SETD1B: variants seen among roughly 807,000 people sequenced by gnomAD.
The protein encoded by SETD1B is SET domain containing 1B, histone lysine methyltransferase, also known as histone-lysine N-methyltransferase SETD1B.
A neutral mutation model predicts 148.0 loss-of-function variants in SETD1B; 7 were observed. That is an observed-to-expected ratio of 0.05 (90% confidence interval 0.03 to 0.09). SETD1B has a LOEUF of 0.09. SETD1B is among the 10% of genes least tolerant of loss of function. SETD1B has a pLI of 1.00. For synonymous variants in SETD1B, 1,361 were observed against 1,186.5 expected (o/e 1.15, Z -3.02); for missense variants, 2,155 against 2,729.9 (o/e 0.79, Z 4.69).
chr12:121,809,532 T>C lies in SETD1B; in HGVS notation c.658-71T>C, dbSNP rs1036848532. ...GCTCTGAGCTTCCCAGCAGCCAGAG[T>C]GAGAAGGGAAAATAGCCCTGTTCCA... On this transcript the variant is annotated intron_variant, in intron 5 of 16. Transcript: ENST00000604567. 13 of 1,451,420 alleles carry C rather than the reference T, an allele frequency of 9.0e-6. No individual in the cohort carries two copies. The African/African-American group carries it at 1.6e-4, about 17-fold the overall frequency. The allele number at this position is 1,451,420 out of a possible 1,614,324, so 89.9% of individuals were successfully genotyped here.
chr12:121,811,631 C>T (rs898931747), intron 6 of SETD1B, among the ~76,000 whole-genome samples: 1 of 152,156 alleles, frequency 6.6e-6, no homozygotes, highest in African/African-American at 2.4e-5. Context: ...ACTCCTCCTT[C>T]TCGGTCCAGG....
In SETD1B at chr12:121,805,139, G is replaced by A; in HGVS notation, c.196G>A (p.Glu66Lys). Residue 66 changes from glutamate to lysine, a missense_variant, in exon 3 of 17, where the codon GAA (glutamate) becomes AAA (lysine). This residue lies in a region of SETD1B where 124 missense variants were observed against 282.9 expected (regional missense o/e 0.44). Coordinates refer to ENST00000604567, the MANE Select transcript of SETD1B (RefSeq NM_001353345.2). The surrounding 1 kb of genome is among the most constrained non-coding windows in gnomAD (Gnocchi z 4.2). ...SLAMSSNRPV[E>K]IVEDPRVVGI... is the part of the protein sequence containing the mutation. Reference sequence around the variant, plus strand: ...ACAGATGTCCAGCAACCGCCCGGTGGAAATTGTCGAAGATCCCCGGGTCGT... The same window carrying A: ...ACAGATGTCCAGCAACCGCCCGGTGAAAATTGTCGAAGATCCCCGGGTCGT... 4 of 1,551,720 alleles carry A rather than the reference G, an allele frequency of 2.6e-6. No homozygotes were observed. Among genetic ancestry groups the A allele is most frequent in the East Asian group, 4.9e-5 (2 of 40,918 alleles).
rs1195861322 is a variant in SETD1B at position 121,823,167 on chromosome 12, C to T, written c.4588C>T (p.Leu1530Phe). ...GCCCCGGCGATCCCCACCATCTATG[C>T]TCTCCTTGGATGGGCCCTTGGTCCG... ...GRPRRSPPSM[L>F]SLDGPLVRPP... is the part of the protein sequence containing the mutation. The change falls in exon 12 of 17, where the codon CTC becomes TTC. Residue 1530 changes from leucine to phenylalanine, a missense_variant. Leu to Phe is a conservative substitution (Grantham distance 22). This residue lies in a region of SETD1B where 862 missense variants were observed against 873.8 expected (regional missense o/e 0.99). Transcript: ENST00000604567. 6.5e-7 allele frequency: 1 copy of T among 1,543,346 alleles called. No homozygotes were observed. Among genetic ancestry groups the T allele is most frequent in the African/African-American group, 1.4e-5 (1 of 72,580 alleles).
In SETD1B at chr12:121,819,788, C is replaced by T. The variant is rs565436724; in HGVS notation, c.3803C>T (p.Pro1268Leu). Residue 1268 changes from proline (P) to leucine (L), a missense_variant, in exon 11 of 17, where the codon CCG becomes CTG. This residue lies in a region of SETD1B where 862 missense variants were observed against 873.8 expected (regional missense o/e 0.99). Transcript: ENST00000604567. ...GAAGAGCCAGCGGACTCCAGGGAGC[C>T]GCCTGAGGAACCAGGCCTGAGCCAG... is the stretch of plus-strand genomic sequence containing the variant. Reference protein sequence around the residue: ...GVEEPADSREPPEEPGLSQEG... With the variant: ...GVEEPADSRELPEEPGLSQEG... The T allele has an allele frequency of 8.3e-5, 129 of 1,551,604 alleles. No individual in the cohort carries two copies. In the East Asian group the frequency reaches 1.3e-3, roughly 15 times the overall value.
chr12:121,802,013 G>GA (rs1198696978), upstream of SETD1B: 1 of 152,020 alleles, frequency 6.6e-6, no homozygotes, highest in African/African-American at 2.4e-5. Flanking sequence ...TCTACACAAA[G>GA]AAAAGGTCTT....
chr12:121,817,946 C>T lies in SETD1B; in HGVS notation c.3418+42C>T, dbSNP rs144970738. On this transcript the variant is annotated intron_variant, in intron 10 of 16. Coordinates refer to ENST00000604567, the MANE Select transcript of SETD1B (RefSeq NM_001353345.2). The surrounding 1 kb of genome is among the most constrained non-coding windows in gnomAD (Gnocchi z 8.1). Reference sequence around the variant, plus strand: ...TGGCTGCCTGGCCCTCCCGGAGTCCCTCTTTCCCCGGGGCAGAGCCTGAGC... The same window carrying T: ...TGGCTGCCTGGCCCTCCCGGAGTCCTTCTTTCCCCGGGGCAGAGCCTGAGC... The T allele has an allele frequency of 3.2e-4, 469 of 1,486,960 alleles. 2 individuals are homozygous for T. In the African/African-American group the frequency reaches 5.7e-3, roughly 18 times the overall value. 92.1% of individuals were successfully genotyped at this position (1,486,960 alleles called of 1,614,324 possible). A position where few individuals can be genotyped will look rare whatever the true frequency, so the allele number is the denominator to read the frequency against.
upstream of SETD1B, chr12:121,801,466 A>G (rs899202784): frequency 5.9e-5 from 9 of 152,478 alleles, no homozygotes; most frequent in African/African-American, 1.9e-4. Context: ...ACAATGCTCC[A>G]GAATCCTCCT....
the SETD1B span, chr12:121,793,982 G>T: frequency 4.7e-6 from 1 of 210,686 alleles, no homozygotes; most frequent in Middle Eastern, 1.6e-3. Flanking sequence ...CCCCTGATTA[G>T]CAGGCTCCGC....
chr12:121,812,759 C>CT (rs1876099382), intron 6 of SETD1B, among the ~76,000 whole-genome samples: 1 of 152,004 alleles, frequency 6.6e-6, no homozygotes, highest in South Asian at 2.1e-4. Flanking sequence ...AGAGTGTGTG[C>CT]GTGCGTGCGT....
At position 121,808,466 on chromosome 12, in the gene SETD1B, A is replaced by G; in HGVS notation, c.657+146A>G. 1 of 587,616 alleles carries G rather than the reference A, an allele frequency of 1.7e-6. No individual in the cohort carries two copies. The highest frequency in any genetic ancestry group is 3.0e-6 in the Non-Finnish European group (1 of 331,784). 36.4% of individuals were successfully genotyped at this position (587,616 alleles called of 1,614,324 possible). A position where few individuals can be genotyped will look rare whatever the true frequency, so the allele number is the denominator to read the frequency against. On this transcript the variant is annotated intron_variant, in intron 5 of 16. Transcript: ENST00000604567. The surrounding 1 kb of genome is among the most constrained non-coding windows in gnomAD (Gnocchi z 5.3). ...GAGACCAAGGCCTAGGAGGGTGTGA[A>G]GCCTGGCCACGCCCCCCACAATTGG...
intron 11 of SETD1B, among the ~76,000 whole-genome samples, chr12:121,821,477 C>A (rs1446501704): frequency 6.7e-6 from 1 of 148,900 alleles, no homozygotes; most frequent in Non-Finnish European, 1.5e-5. Context: ...GTGCCGGGCG[C>A]GGTGGCTCAC....
chr12:121,810,891 C>T lies in SETD1B; in HGVS notation c.1890+56C>T, dbSNP rs974211457. On this transcript the variant is annotated intron_variant, in intron 6 of 16. Transcript: ENST00000604567. The surrounding 1 kb of genome is among the most constrained non-coding windows in gnomAD (Gnocchi z 7.6). The stretch of plus-strand genomic sequence containing the variant: ...CTGGTTTTGTCTATCTTGTATCTCC[C>T]TTTCCCCCTTCAAGCATTTAGCATG... The T allele has an allele frequency of 2.1e-6, 3 of 1,443,218 alleles. No individual in the cohort carries two copies. The highest frequency in any genetic ancestry group is 1.5e-5 in the South Asian group (1 of 67,338). 89.4% of individuals were successfully genotyped at this position (1,443,218 alleles called of 1,614,324 possible). A position where few individuals can be genotyped will look rare whatever the true frequency, so the allele number is the denominator to read the frequency against.
Position 121,821,193 on chromosome 12 carries a change from A to T in SETD1B, c.3911-1297A>T, listed in dbSNP as rs568813023. Reference sequence around the variant, plus strand: ...ACTAAGCCTCTATTGTGTCCCTGCTATTATTTTAGGCAGTAGCAATGCAAC... The same window carrying T: ...ACTAAGCCTCTATTGTGTCCCTGCTTTTATTTTAGGCAGTAGCAATGCAAC... On this transcript the variant is annotated intron_variant, in intron 11 of 16. Transcript: ENST00000604567. Among the ~76,000 whole-genome samples, 5 of 152,188 alleles carry T rather than the reference A, an allele frequency of 3.3e-5. No homozygotes were observed. In the East Asian group the frequency reaches 9.6e-4, roughly 29 times the overall value.
In SETD1B at chr12:121,822,697, C is replaced by T. The variant is rs1320460610; in HGVS notation, c.4118C>T (p.Ser1373Leu). 7.2e-6 allele frequency: 11 copies of T among 1,537,666 alleles called. No individual in the cohort carries two copies. The highest frequency in any genetic ancestry group is 4.9e-5 in the East Asian group (2 of 40,596). ...GGCCTCTGTGGCAGCCTGGCCAAGT[C>T]GCAGAGCACAGAGACGGTGCCAGCC... ...TPGLCGSLAKSQSTETVPATP... is the reference protein window; with the variant it reads ...TPGLCGSLAKLQSTETVPATP... The change falls in exon 12 of 17, where the codon TCG becomes TTG. Residue 1373 changes from serine (S) to leucine (L), a missense_variant. Physicochemically the swap from Ser to Leu is moderately radical, Grantham distance 145. Transcript: ENST00000604567.
intron 11 of SETD1B, among the ~76,000 whole-genome samples, chr12:121,821,942 C>T (rs1236246769): frequency 5.3e-5 from 8 of 152,062 alleles, no homozygotes; most frequent in South Asian, 4.2e-4. Context: ...ATTAGCTGGG[C>T]GTGGTGGCAC....
Position 121,804,935 on chromosome 12 carries a change from A to G in SETD1B, c.174+24A>G, listed in dbSNP as rs778745595. 2.3e-4 allele frequency: 345 copies of G among 1,479,354 alleles called. No individual in the cohort carries two copies. Among genetic ancestry groups the G allele is most frequent in the Non-Finnish European group, 3.0e-4 (339 of 1,111,648 alleles). The allele number at this position is 1,479,354 out of a possible 1,614,324, so 91.6% of individuals were successfully genotyped here. ...CGGTGAGTAGCCGGCGCGCCCCCCC[A>G]GCCGTGCCCCGCGTCGTGTCCGGGG... On this transcript the variant is annotated intron_variant, in intron 2 of 16. Coordinates refer to ENST00000604567, the MANE Select transcript of SETD1B (RefSeq NM_001353345.2). This position sits in a 1 kb window ranked among gnomAD's most constrained non-coding sequence, Gnocchi z 4.6.
chr12:121,829,358 C>T (rs1022887897), intron 16 of SETD1B, among the ~76,000 whole-genome samples: 1 of 152,180 alleles, frequency 6.6e-6, no homozygotes, highest in African/African-American at 2.4e-5. Flanking sequence ...AACCAAGAGG[C>T]CCTTCCGGGA....
chr12:121,820,212 T>C (rs117255102), intron 11 of SETD1B, among the ~76,000 whole-genome samples: 8,129 of 152,344 alleles, frequency 0.053, 345 homozygotes, highest in Non-Finnish European at 0.078. Flanking sequence ...TGGGTGTCCA[T>C]GGTCACTTGA....
chr12:121,800,050 G>C (rs1431422576), upstream of SETD1B: 1 of 152,162 alleles, frequency 6.6e-6, no homozygotes, highest in Non-Finnish European at 1.5e-5. Flanking sequence ...GGGCTGAAAG[G>C]GAGCACCCCA....
Sources: allele counts gnomAD v4.1 joint callset (sites outside exome capture counted in the v4.1 genomes callset), GRCh38; gene constraint gnomAD v4.1.1; regional missense constraint gnomAD v4.1.1; non-coding constraint Gnocchi (gnomAD v3.1); transcripts MANE v1.5; gene names NCBI Gene and HGNC (gene_info 2026-07-23, HGNC 2026-07-21).